The following SUCLG2 variants were observed in gnomAD, a reference collection of about 807,000 sequenced individuals.
SUCLG2 encodes the protein succinate--CoA ligase [GDP-forming] subunit beta, mitochondrial.
A neutral mutation model predicts 47.9 loss-of-function variants in SUCLG2; 42 were observed. The observed-to-expected ratio is 0.88, with a 90% CI of 0.69 to 1.14. The LOEUF is 1.14. Among genes scored for constraint, SUCLG2 ranks in the 50% most tolerant of loss-of-function variants. SUCLG2 has a pLI of 0.00. For synonymous variants in SUCLG2, 195 were observed against 197.3 expected, an observed-to-expected ratio of 0.99 and a Z score of 0.10; for missense variants, 571 against 525.9, an observed-to-expected ratio of 1.09 and a Z score of -0.84.
chr3:67,482,077 G>A (rs888952339), intron 9 of SUCLG2, among the ~76,000 whole-genome samples: 3 of 152,198 alleles, frequency 2.0e-5, no homozygotes, highest in East Asian at 1.9e-4. Context: ...CTACTCAGAA[G>A]GCTGAGGCAG....
At chr3:67,433,000 G>C (rs1012929420) in intron 9 of SUCLG2, among the ~76,000 whole-genome samples, 3 of 152,156 alleles carry the variant, frequency 2.0e-5, no homozygotes, top group Non-Finnish European at 4.4e-5. Context: ...AAAATCCTCT[G>C]AATAGGTAAG....
chr3:67,588,029 G>A (rs1708067823), intron 2 of SUCLG2, among the ~76,000 whole-genome samples: 1 of 152,120 alleles, frequency 6.6e-6, no homozygotes. Context: ...GAAGATGCTA[G>A]CATTCTGTTT....
chr3:67,426,307 G>A (rs1172943393), intron 9 of SUCLG2, among the ~76,000 whole-genome samples: 1 of 152,140 alleles, frequency 6.6e-6, no homozygotes, highest in East Asian at 1.9e-4. Flanking sequence ...ATACTTGAAA[G>A]CAAGTAAAAC....
At chr3:67,494,526 T>C (rs1239729649) in intron 9 of SUCLG2, among the ~76,000 whole-genome samples, 1 of 152,084 alleles carries the variant, frequency 6.6e-6, no homozygotes, top group Non-Finnish European at 1.5e-5. Context: ...CTCAAGAGGC[T>C]GTGCGAGGAG....
intron 9 of SUCLG2, among the ~76,000 whole-genome samples, chr3:67,403,590 A>G (rs1340774988): frequency 6.6e-6 from 1 of 152,162 alleles, no homozygotes; most frequent in Non-Finnish European, 1.5e-5. Context: ...TTACAAATAC[A>G]GGGTCTACAG....
At chr3:67,550,064 T>G (rs1428707031) in intron 2 of SUCLG2, among the ~76,000 whole-genome samples, 1 of 152,190 alleles carries the variant, frequency 6.6e-6, no homozygotes, top group Admixed American at 6.5e-5. Flanking sequence ...CGGGCAAAAT[T>G]GACACTTCTG....
chr3:67,415,649 C>A (rs72626931), intron 9 of SUCLG2, among the ~76,000 whole-genome samples: 2 of 152,164 alleles, frequency 1.3e-5, no homozygotes, highest in African/African-American at 4.8e-5. Flanking sequence ...TGGCTGAAAT[C>A]CTTGGCATAG....
chr3:67,477,760 T>C lies in SUCLG2; in HGVS notation c.1062+18038A>G, dbSNP rs1704805502. Among the ~76,000 whole-genome samples, 3 of 152,292 alleles carry C rather than the reference T, an allele frequency of 2.0e-5. No homozygotes were observed. The South Asian group carries it at 6.2e-4, about 32-fold the overall frequency. ...CTGACCCACGACACTGTATGCTCCA[T>C]ACAATTAGGAATTATCTCTCTTTTG... On this transcript the variant is annotated intron_variant, in intron 9 of 10. Coordinates refer to ENST00000307227, the MANE Select transcript of SUCLG2 (RefSeq NM_003848.4).
At chr3:67,619,794 G>C (rs1480457665) in intron 1 of SUCLG2, among the ~76,000 whole-genome samples, 1 of 152,046 alleles carries the variant, frequency 6.6e-6, no homozygotes, top group Non-Finnish European at 1.5e-5. Flanking sequence ...CCAGCAGCAA[G>C]AAAGAAAAGG....
chr3:67,393,378 A>G (rs1002066177), intron 10 of SUCLG2, among the ~76,000 whole-genome samples: 9 of 149,382 alleles, frequency 6.0e-5, no homozygotes, highest in Non-Finnish European at 1.0e-4. Context: ...TATCCCGCAC[A>G]TGGCTCAGAG....
At chr3:67,589,452 T>C (rs1242855465) in intron 2 of SUCLG2, among the ~76,000 whole-genome samples, 2 of 152,316 alleles carry the variant, frequency 1.3e-5, no homozygotes, top group Admixed American at 1.3e-4. Flanking sequence ...TGACTAATAA[T>C]GTGATTGAAG....
At chr3:67,538,744 G>A (rs1706616716) in intron 2 of SUCLG2, among the ~76,000 whole-genome samples, 1 of 152,096 alleles carries the variant, frequency 6.6e-6, no homozygotes, top group South Asian at 2.1e-4. Flanking sequence ...TTGAGCAGTG[G>A]TTTGTAGTCC....
At chr3:67,399,664 C>G (rs1451988771) in intron 10 of SUCLG2, among the ~76,000 whole-genome samples, 1 of 152,064 alleles carries the variant, frequency 6.6e-6, no homozygotes, top group African/African-American at 2.4e-5. Context: ...TTTGGAAGAT[C>G]TGCATAATCA....
chr3:67,623,976 C>G (rs1351724601), intron 1 of SUCLG2, among the ~76,000 whole-genome samples: 4 of 152,200 alleles, frequency 2.6e-5, no homozygotes, highest in African/African-American at 9.7e-5. Flanking sequence ...ATCTCCACAC[C>G]CTGCAGTTAG....
intron 9 of SUCLG2, among the ~76,000 whole-genome samples, chr3:67,425,195 T>A (rs1169868539): frequency 6.6e-6 from 1 of 152,244 alleles, no homozygotes; most frequent in Non-Finnish European, 1.5e-5. Context: ...TATTTTTACT[T>A]GGTATTGCCT....
chr3:67,453,370 G>A (rs1704103524), intron 9 of SUCLG2, among the ~76,000 whole-genome samples: 1 of 152,160 alleles, frequency 6.6e-6, no homozygotes, highest in Non-Finnish European at 1.5e-5. Context: ...CAGATTTGAT[G>A]TCTGGTGAGG....
chr3:67,435,010 G>A (rs544185554), intron 9 of SUCLG2, among the ~76,000 whole-genome samples: 1 of 152,248 alleles, frequency 6.6e-6, no homozygotes, highest in South Asian at 2.1e-4. Context: ...TCTAAATGAA[G>A]TACAAAAGAC....
At chr3:67,613,614 G>A (rs6799003) in intron 1 of SUCLG2, among the ~76,000 whole-genome samples, 74,177 of 152,004 alleles carry the variant, frequency 0.49, 19,024 homozygotes, top group African/African-American at 0.64. Flanking sequence ...GTGACTTTAC[G>A]TAAATGTGTA....
At chr3:67,609,725 G>A (rs201802611) in intron 1 of SUCLG2, 129 bp from the exon 2 acceptor site, 91 of 676,302 alleles carry the variant, frequency 1.3e-4, no homozygotes, top group South Asian at 7.4e-4. Flanking sequence ...AGAAGCAAAA[G>A]AAAAAAAAAA....
Sources: allele counts gnomAD v4.1 joint callset (sites outside exome capture counted in the v4.1 genomes callset), GRCh38; gene constraint gnomAD v4.1.1; transcripts MANE v1.5; gene names NCBI Gene and HGNC (gene_info 2026-07-23, HGNC 2026-07-21).